GAS7: variants seen among roughly 807,000 people sequenced by gnomAD.
GAS7 encodes the protein growth arrest-specific protein 7.
A neutral mutation model predicts 71.1 loss-of-function variants in GAS7; 28 were observed. That is an observed-to-expected ratio of 0.39 (90% CI 0.29 to 0.54). GAS7 has a LOEUF of 0.54. Among genes scored for constraint, GAS7 ranks in the 20% least tolerant of loss-of-function variants. GAS7 has a pLI of 0.62. For synonymous variants in GAS7, 258 were observed against 245.8 expected (o/e 1.05, Z -0.46); for missense variants, 436 against 627.8 (o/e 0.69, Z 3.27).
rs78228640 is a variant in GAS7 at position 10,026,873 on chromosome 17, T to C, written c.184-6976A>G. ...CCCCAGAGTCTGTCTCTAAGAATAC[T>C]GGGCGCATTTCCTGTCTCACAGGTG... On this transcript the variant is annotated intron_variant, in intron 1 of 13. Coordinates refer to ENST00000432992, the MANE Select transcript of GAS7 (RefSeq NM_201433.2). This position sits in a 1 kb window ranked among gnomAD's most constrained non-coding sequence, Gnocchi z 4.5. 60 of 152,236 alleles carry C rather than the reference T, an allele frequency of 3.9e-4. 1 individual carries two copies. The highest frequency in any genetic ancestry group is 1.4e-3 in the African/African-American group (56 of 41,460). The allele number at this position is 152,236 out of a possible 1,614,324, so 9.4% of individuals were successfully genotyped here.
At chr17:10,079,176 T>G (rs2073428956) in intron 1 of GAS7, among the ~76,000 whole-genome samples, 1 of 152,174 alleles carries the variant, frequency 6.6e-6, no homozygotes, top group East Asian at 1.9e-4. Flanking sequence ...TAAAGCCCCA[T>G]TGTTACAAGT....
At chr17:10,018,661 G>A (rs147296763) in intron 2 of GAS7, among the ~76,000 whole-genome samples, 3 of 152,290 alleles carry the variant, frequency 2.0e-5, no homozygotes, top group Non-Finnish European at 4.4e-5. Flanking sequence ...GTTGCCAGGG[G>A]ATACGAATAA....
At chr17:10,173,766 T>A (rs2074352414) in intron 1 of GAS7, among the ~76,000 whole-genome samples, 1 of 145,210 alleles carries the variant, frequency 6.9e-6, no homozygotes, top group Admixed American at 6.9e-5. Context: ...AGACTCCGTC[T>A]CAAAAAAAAA....
chr17:9,943,153 C>T lies in GAS7; in HGVS notation c.699G>A (p.Met233Ile). ...GGATGAATTCTGACATTTCCTTCTG[C>T]ATTTGTTTGCCCTTCAGCTGTTTCT... is the stretch of plus-strand genomic sequence containing the variant. ...LLQKQLKGKQ[M>I]QKEMSEFIRE... is the part of the protein sequence containing the mutation. Residue 233 changes from methionine (M) to isoleucine (I), a missense_variant, in exon 7 of 14, where the codon ATG becomes ATA. Coordinates refer to ENST00000432992, the MANE Select transcript of GAS7 (RefSeq NM_201433.2). The T allele has an allele frequency of 6.2e-7, 1 of 1,612,734 alleles. No individual in the cohort carries two copies. The highest frequency in any genetic ancestry group is 2.2e-5 in the East Asian group (1 of 44,886).
chr17:9,939,932 C>A (rs1378685910), intron 8 of GAS7, among the ~76,000 whole-genome samples, 194 bp downstream of exon 8: 1 of 152,126 alleles, frequency 6.6e-6, no homozygotes, highest in Non-Finnish European at 1.5e-5. Context: ...AGTGTGGATG[C>A]CCACACCTTG....
At chr17:10,033,325 G>A (rs2072667955) in intron 1 of GAS7, among the ~76,000 whole-genome samples, 1 of 152,088 alleles carries the variant, frequency 6.6e-6, no homozygotes, top group Non-Finnish European at 1.5e-5. Context: ...AACTTGGTAT[G>A]GCCCAGAGAG....
rs181923610 is a variant in GAS7, at chr17:10,184,570, G to A, written c.183+13638C>T. ...ATGCCTTGCTACTCAAATTGTGGCC[G>A]GCAGACTGGAAGCAGTGGCATCACC... On this transcript the variant is annotated intron_variant, in intron 1 of 13. Transcript: ENST00000432992. Among the ~76,000 whole-genome samples, 280 of 152,294 alleles carry A rather than the reference G, an allele frequency of 1.8e-3. 1 individual carries two copies. Among genetic ancestry groups the A allele is most frequent in the South Asian group, 5.2e-3 (25 of 4,830 alleles).
intron 5 of GAS7, among the ~76,000 whole-genome samples, chr17:9,953,109 G>T (rs1052534830): frequency 2.0e-5 from 3 of 151,500 alleles, no homozygotes; most frequent in Non-Finnish European, 2.9e-5. Context: ...GCCCATCAAC[G>T]ATATACTAGA....
At chr17:10,117,491 G>C (rs1249728541) in intron 1 of GAS7, among the ~76,000 whole-genome samples, 1 of 152,136 alleles carries the variant, frequency 6.6e-6, no homozygotes, top group Non-Finnish European at 1.5e-5. Flanking sequence ...AAGCATGCCT[G>C]GAACATTTAA....
At chr17:10,167,654 T>C (rs2074305742) in intron 1 of GAS7, among the ~76,000 whole-genome samples, 1 of 151,864 alleles carries the variant, frequency 6.6e-6, no homozygotes, top group African/African-American at 2.4e-5. Flanking sequence ...ATTGCGAAGG[T>C]CTTTTTTTTC....
rs2070393293 is a variant in GAS7, at chr17:9,981,068, G to T, written c.385+736C>A. 6.6e-6 allele frequency among the ~76,000 whole-genome samples: 1 copy of T among 152,152 alleles called. No homozygotes were observed. Among genetic ancestry groups the T allele is most frequent in the Non-Finnish European group, 1.5e-5 (1 of 68,030 alleles). On this transcript the variant is annotated intron_variant, in intron 3 of 13. Coordinates refer to ENST00000432992, the MANE Select transcript of GAS7 (RefSeq NM_201433.2). This position sits in a 1 kb window ranked among gnomAD's most constrained non-coding sequence, Gnocchi z 4.4. ...GCACTTTGAGAGGCCAAAACAGGTG[G>T]ATCACTTGAGACCAGGAGCTCAAGA...
chr17:10,145,412 C>T (rs1411639170), intron 1 of GAS7, among the ~76,000 whole-genome samples: 1 of 152,200 alleles, frequency 6.6e-6, no homozygotes, highest in East Asian at 1.9e-4. Flanking sequence ...GTGTGTAAGA[C>T]CCGAAGAGCT....
At chr17:10,005,005 ATCTC>A (rs1364955640) in intron 2 of GAS7, among the ~76,000 whole-genome samples, 7 of 147,180 alleles carry the variant, frequency 4.8e-5, no homozygotes, top group African/African-American at 1.8e-4. Context: ...GCAGGACTTC[ATCTC>A]TCTCTCTCGC....
intron 1 of GAS7, among the ~76,000 whole-genome samples, chr17:10,194,685 A>G (rs916418918): frequency 4.2e-4 from 64 of 152,100 alleles, no homozygotes; most frequent in African/African-American, 1.4e-3. Flanking sequence ...TGTTAAAAAG[A>G]CTTCTCGGCC....
intron 1 of GAS7, among the ~76,000 whole-genome samples, chr17:10,150,713 C>T (rs973555941): frequency 1.3e-5 from 2 of 151,300 alleles, no homozygotes; most frequent in Non-Finnish European, 2.9e-5. Flanking sequence ...CTCAGCCTCC[C>T]GAGTAGCTGG....
intron 8 of GAS7, 120 bp from the exon 9 acceptor site, chr17:9,934,364 G>A: frequency 2.9e-6 from 2 of 693,276 alleles, no homozygotes; most frequent in Middle Eastern, 3.7e-4. Context: ...GGACGCGGAT[G>A]AGGCAGAAGT....
At chr17:10,172,217 C>T (rs978605452) in intron 1 of GAS7, among the ~76,000 whole-genome samples, 3 of 152,184 alleles carry the variant, frequency 2.0e-5, no homozygotes, top group African/African-American at 7.2e-5. Flanking sequence ...AAATCTAAGC[C>T]AGATAGGATG....
chr17:9,938,050 C>T (rs2068464260), intron 8 of GAS7, among the ~76,000 whole-genome samples: 1 of 152,190 alleles, frequency 6.6e-6, no homozygotes. Context: ...ACATTTTCGT[C>T]ATGCTAGTAT....
intron 2 of GAS7, among the ~76,000 whole-genome samples, chr17:9,996,590 T>C (rs1283158277): frequency 3.2e-5 from 4 of 124,460 alleles, no homozygotes; most frequent in Non-Finnish European, 5.0e-5. Flanking sequence ...AGACTATATA[T>C]ATATGTGTGT....
Sources: gnomAD v4.1 joint callset for allele counts (sites outside exome capture counted in the v4.1 genomes callset) on GRCh38, gnomAD v4.1.1 for gene constraint, Gnocchi (gnomAD v3.1) non-coding constraint, MANE v1.5 for transcripts, NCBI Gene and HGNC (gene_info 2026-07-23, HGNC 2026-07-21) for gene names.